Variants in TENM2 observed in about 807,000 individuals in gnomAD.
The protein encoded by TENM2 is teneurin-2.
TENM2 carries 52 observed loss-of-function variants against 245.2 expected under a neutral mutation model. The observed-to-expected ratio is 0.21, with a 90% confidence interval of 0.17 to 0.27. The LOEUF (loss-of-function observed/expected upper bound fraction) is 0.27. TENM2 is among the 10% of genes least tolerant of loss of function. The pLI is 1.00. For synonymous variants in TENM2, 1,363 were observed against 1,438.9 expected (o/e 0.95, Z 1.19); for missense variants, 3,046 against 3,666.8 (o/e 0.83, Z 4.37).
chr5:167,562,970 AAAAAAG>A (rs1287888256), intron 2 of TENM2, among the ~76,000 whole-genome samples: 1 of 151,434 alleles, frequency 6.6e-6, no homozygotes, highest in Non-Finnish European at 1.5e-5. Context: ...AAAAAAAAAA[AAAAAAG>A]AAAAAGAAAA....
intron 2 of TENM2, among the ~76,000 whole-genome samples, chr5:167,611,717 T>C (rs1016890782): frequency 8.5e-5 from 13 of 152,058 alleles, no homozygotes; most frequent in Non-Finnish European, 1.9e-4. Context: ...AGGTTGGAGT[T>C]GGTATCTGGT....
chr5:168,190,267 G>A, intron 13 of TENM2, 70 bp from the exon 16 acceptor site: 3 of 1,221,856 alleles, frequency 2.5e-6, no homozygotes, highest in Non-Finnish European at 3.5e-6. Flanking sequence ...TGGTAACAAA[G>A]GTGTTAGTGT....
intron 5 of TENM2, among the ~76,000 whole-genome samples, chr5:168,013,761 G>GGCTT (rs1785445072): frequency 6.6e-6 from 1 of 152,184 alleles, no homozygotes; most frequent in Non-Finnish European, 1.5e-5. Flanking sequence ...CATATCAAGG[G>GGCTT]ACCACACACT....
At chr5:167,467,302 G>A (rs972689097) in intron 2 of TENM2, among the ~76,000 whole-genome samples, 4 of 152,030 alleles carry the variant, frequency 2.6e-5, no homozygotes, top group African/African-American at 9.7e-5. Context: ...TGAGGAAGGT[G>A]ACTGCTTCCC....
chr5:167,517,917 G>T (rs568457440), intron 2 of TENM2, among the ~76,000 whole-genome samples: 2 of 152,070 alleles, frequency 1.3e-5, no homozygotes, highest in African/African-American at 2.4e-5. Flanking sequence ...GCCGGGCACC[G>T]TGGCTCATGT....
At chr5:167,808,532 T>C (rs145152427) in intron 2 of TENM2, among the ~76,000 whole-genome samples, 1 of 152,312 alleles carries the variant, frequency 6.6e-6, no homozygotes, top group Non-Finnish European at 1.5e-5. Context: ...AATGCTAGAA[T>C]TACAGGCGTA....
intron 9 of TENM2, among the ~76,000 whole-genome samples, chr5:168,107,251 T>G (rs1274514841): frequency 1.3e-5 from 2 of 152,136 alleles, no homozygotes; most frequent in Admixed American, 6.5e-5. Context: ...ATATAAATAT[T>G]AAGTTGTGGG....
intron 23 of TENM2, among the ~76,000 whole-genome samples, chr5:168,223,614 A>ACGGCACT (rs930282097): frequency 6.6e-6 from 1 of 151,830 alleles, no homozygotes; most frequent in African/African-American, 2.4e-5. Context: ...CTACAGGCAC[A>ACGGCACT]CGGCACTGCG....
At chr5:168,032,458 G>GGAGA (rs1300401762) in intron 5 of TENM2, among the ~76,000 whole-genome samples, 2 of 152,156 alleles carry the variant, frequency 1.3e-5, no homozygotes, top group African/African-American at 4.8e-5. Context: ...TCTAGGGCTG[G>GGAGA]GAGAAAGGCA....
rs563537713 is a variant in TENM2 at position 168,148,084 on chromosome 5, G to T, written c.2423-14527G>T. Among the ~76,000 whole-genome samples the T allele has an allele frequency of 1.7e-4, 26 of 152,326 alleles. No homozygotes were observed. In the South Asian group the frequency reaches 5.4e-3, roughly 32 times the overall value. ...TCATGCTTTCTGCCTCCTGGGAATT[G>T]CTCTGCTGCAATTTGGGAGTGTGTA... On this transcript the variant is annotated intron_variant, in intron 12 of 28. Transcript: ENST00000518659.
rs1297503045 is a variant in TENM2, at chr5:168,244,476, G to T, written c.5577G>T (p.Lys1859Asn). 3.7e-6 allele frequency: 6 copies of T among 1,601,784 alleles called. No homozygotes were observed. Among genetic ancestry groups the T allele is most frequent in the Non-Finnish European group, 5.1e-6 (6 of 1,172,062 alleles). ...ATGATCGAAATATTCGGACTGAAAAGATCTATGATGACCACCGGAAGTTCA... is the reference window on the plus strand; with the variant it reads ...ATGATCGAAATATTCGGACTGAAAATATCTATGATGACCACCGGAAGTTCA... Residue 1859 changes from lysine to asparagine, a missense_variant, in exon 26 of 29, where the codon AAG (lysine) becomes AAT (asparagine). This residue lies in a region of TENM2 where 2,704 missense variants were observed against 3,331.9 expected (regional missense o/e 0.81). Transcript: ENST00000518659. The surrounding 1 kb of genome is among the most constrained non-coding windows in gnomAD (Gnocchi z 4.9).
intron 2 of TENM2, among the ~76,000 whole-genome samples, chr5:167,792,722 T>C (rs1765066456): frequency 6.6e-6 from 1 of 151,424 alleles, no homozygotes; most frequent in South Asian, 2.1e-4. Flanking sequence ...ACTGCCTTTT[T>C]TGAAAAATGG....
At chr5:168,108,177 G>A (rs1358224640) in intron 9 of TENM2, among the ~76,000 whole-genome samples, 1 of 152,132 alleles carries the variant, frequency 6.6e-6, no homozygotes, top group Non-Finnish European at 1.5e-5. Flanking sequence ...CCACCTTTGA[G>A]GCATGGAGGG....
At chr5:168,100,471 C>T (rs909170322) in intron 9 of TENM2, among the ~76,000 whole-genome samples, 1 of 152,234 alleles carries the variant, frequency 6.6e-6, no homozygotes, top group South Asian at 2.1e-4. Flanking sequence ...ATAGCAAAGA[C>T]TTGGAACCAA....
the TENM2 span, among the ~76,000 whole-genome samples, chr5:167,023,157 T>TA: frequency 3.3e-5 from 5 of 152,154 alleles, no homozygotes; most frequent in African/African-American, 1.2e-4. Flanking sequence ...ATAATAATGC[T>TA]AACGTTCTGC....
the TENM2 span, among the ~76,000 whole-genome samples, chr5:167,201,324 A>G: frequency 6.6e-6 from 1 of 152,220 alleles, no homozygotes; most frequent in South Asian, 2.1e-4. Context: ...ATTGCCTTTT[A>G]AAGAAGTAAT....
At chr5:167,517,871 A>G (rs544442164) in intron 2 of TENM2, among the ~76,000 whole-genome samples, 1 of 152,042 alleles carries the variant, frequency 6.6e-6, no homozygotes, top group African/African-American at 2.4e-5. Context: ...GTCGAGAGAG[A>G]GTCAGATCTT....
At chr5:167,092,631 G>A in the TENM2 span, among the ~76,000 whole-genome samples, 1 of 152,084 alleles carries the variant, frequency 6.6e-6, no homozygotes, top group Non-Finnish European at 1.5e-5. Flanking sequence ...CCATTTAATA[G>A]ATAAGATGAC....
At chr5:167,776,130 T>C (rs1424072197) in intron 2 of TENM2, among the ~76,000 whole-genome samples, 2 of 100,352 alleles carry the variant, frequency 2.0e-5, no homozygotes, top group East Asian at 5.7e-4. Context: ...ATATGAATTA[T>C]GATTGTGGTC....
Sources: gnomAD v4.1 joint callset for allele counts (sites outside exome capture counted in the v4.1 genomes callset) on GRCh38, gnomAD v4.1.1 for gene constraint, gnomAD v4.1.1 regional missense constraint, Gnocchi (gnomAD v3.1) non-coding constraint, MANE v1.5 for transcripts, NCBI Gene and HGNC (gene_info 2026-07-23, HGNC 2026-07-21) for gene names.